Variants in TENM2 observed in about 807,000 individuals in gnomAD.
The protein encoded by TENM2 is teneurin transmembrane protein 2, also known as teneurin-2.
TENM2 carries 52 observed loss-of-function variants against 245.2 expected under a neutral mutation model. The ratio of observed to expected loss-of-function variants is 0.21; its 90% CI spans 0.17 to 0.27. The LOEUF is 0.27. Ranked by LOEUF, TENM2 falls within the 10% of genes least tolerant of loss-of-function variation. The pLI is 1.00. For missense variants in TENM2, 3,046 were observed against 3,666.8 expected (o/e 0.83, Z 4.37); for synonymous variants, 1,363 against 1,438.9 (o/e 0.95, Z 1.19).
intron 23 of TENM2, among the ~76,000 whole-genome samples, chr5:168,224,474 G>C (rs1466490135): frequency 1.3e-5 from 2 of 152,226 alleles, no homozygotes; most frequent in African/African-American, 4.8e-5. Flanking sequence ...TCAGATCCCT[G>C]AAAGCCTGAG....
intron 6 of TENM2, among the ~76,000 whole-genome samples, chr5:168,048,952 G>T (rs1323321381): frequency 6.6e-6 from 1 of 152,166 alleles, no homozygotes. Flanking sequence ...TGCCTTAACT[G>T]ACCATGTTCT....
chr5:167,104,215 G>A, the TENM2 span, among the ~76,000 whole-genome samples: 2 of 151,850 alleles, frequency 1.3e-5, no homozygotes, highest in African/African-American at 4.8e-5. Flanking sequence ...GACTTTTACA[G>A]TGCTTGCTAC....
the TENM2 span, among the ~76,000 whole-genome samples, chr5:167,142,226 T>A: frequency 2.0e-5 from 3 of 152,200 alleles, no homozygotes; most frequent in African/African-American, 4.8e-5. Flanking sequence ...CTAACCTTGC[T>A]AAAGTCTTTT....
chr5:167,689,236 T>C (rs1717925773), intron 2 of TENM2, among the ~76,000 whole-genome samples: 1 of 151,778 alleles, frequency 6.6e-6, no homozygotes, highest in Non-Finnish European at 1.5e-5. Flanking sequence ...GAAAGAGGAG[T>C]GGGCAGGAAG....
intron 2 of TENM2, among the ~76,000 whole-genome samples, chr5:167,594,630 T>C (rs781230194): frequency 2.6e-5 from 4 of 152,208 alleles, no homozygotes; most frequent in Non-Finnish European, 5.9e-5. Context: ...GAATCAGAAT[T>C]GAATGTTTGT....
At chr5:167,468,492 G>GCT (rs1490666456) in intron 2 of TENM2, among the ~76,000 whole-genome samples, 1 of 152,170 alleles carries the variant, frequency 6.6e-6, no homozygotes, top group Non-Finnish European at 1.5e-5. Flanking sequence ...GTAATGAAGT[G>GCT]CTCTGTAATA....
intron 2 of TENM2, among the ~76,000 whole-genome samples, chr5:167,431,950 T>TATATATATGTATATATATAC (rs1561950329): frequency 3.6e-5 from 2 of 55,604 alleles, no homozygotes; most frequent in African/African-American, 1.0e-4. Context: ...CATATATATG[T>TATATATATGTATATATATAC]ATATATATAT....
chr5:167,338,216 C>T (rs1757891422), intron 1 of TENM2, among the ~76,000 whole-genome samples: 3 of 152,160 alleles, frequency 2.0e-5, no homozygotes, highest in Admixed American at 2.0e-4. Context: ...TCTGCTTTTC[C>T]TACCCTCTAC....
At chr5:167,509,240 CT>C (rs1207672070) in intron 2 of TENM2, among the ~76,000 whole-genome samples, 1 of 152,216 alleles carries the variant, frequency 6.6e-6, no homozygotes, top group Non-Finnish European at 1.5e-5. Context: ...GCTCCATTGA[CT>C]GTAGACTAAT....
chr5:167,709,617 G>A lies in TENM2; in HGVS notation c.503-166369G>A, dbSNP rs553309775. On this transcript the variant is annotated intron_variant, in intron 2 of 28. Coordinates refer to ENST00000518659, the Ensembl canonical transcript of TENM2. ...AATGGAGAACTGACATTTAGGACAGGTTCTCTGTCTCTTTCTCAGGACAGC... is the reference window on the plus strand; with the variant it reads ...AATGGAGAACTGACATTTAGGACAGATTCTCTGTCTCTTTCTCAGGACAGC... Among the ~76,000 whole-genome samples, 10 of 152,312 alleles carry A rather than the reference G, an allele frequency of 6.6e-5. No homozygotes were observed. In the South Asian group the frequency reaches 2.1e-3, roughly 32 times the overall value.
intron 2 of TENM2, among the ~76,000 whole-genome samples, chr5:167,732,510 T>C (rs1760508946): frequency 6.6e-6 from 1 of 152,116 alleles, no homozygotes; most frequent in South Asian, 2.1e-4. Flanking sequence ...ATAAGTATGT[T>C]TTTTGTCTCA....
intron 12 of TENM2, among the ~76,000 whole-genome samples, chr5:168,141,927 G>A (rs573524356): frequency 2.0e-5 from 3 of 152,246 alleles, no homozygotes; most frequent in South Asian, 4.2e-4. Context: ...ATTTTGGAGC[G>A]ATTGGAGCGC....
the TENM2 span, among the ~76,000 whole-genome samples, chr5:167,238,226 T>C: frequency 2.0e-5 from 3 of 152,168 alleles, no homozygotes; most frequent in Non-Finnish European, 4.4e-5. Context: ...TTATGAGATC[T>C]TTCAATAAGT....
rs1178739925 is a variant in TENM2, at chr5:167,807,124, T to TAAAAAAAAAAAAAAAAAAAAAAAA, written c.503-68853_503-68830dup. On this transcript the variant is annotated intron_variant, in intron 2 of 28. Transcript: ENST00000518659. ...ACAGTTTGGCCCAAAGCCCCTAGGTTAAAAAAAAAAAAAAAAAAAAAAAAA... is the reference window on the plus strand; with the variant it reads ...ACAGTTTGGCCCAAAGCCCCTAGGTTAAAAAAAAAAAAAAAAAAAAAAAAAAAAAAAAAAAAAAAAAAAAAAAAA... Among the ~76,000 whole-genome samples the TAAAAAAAAAAAAAAAAAAAAAAAA allele has an allele frequency of 1.2e-4, 6 of 49,080 alleles. 1 individual carries two copies. Among genetic ancestry groups the TAAAAAAAAAAAAAAAAAAAAAAAA allele is most frequent in the African/African-American group, 5.1e-4 (6 of 11,846 alleles). The allele number at this position is 49,080 out of a possible 152,430, so 32.2% of individuals were successfully genotyped here.
intron 6 of TENM2, among the ~76,000 whole-genome samples, chr5:168,049,132 T>C (rs1788862660): frequency 6.6e-6 from 1 of 152,226 alleles, no homozygotes; most frequent in African/African-American, 2.4e-5. Context: ...TAAAGACTAT[T>C]TTGATTGTCA....
At chr5:167,512,032 C>T (rs992386635) in intron 2 of TENM2, among the ~76,000 whole-genome samples, 13 of 151,998 alleles carry the variant, frequency 8.6e-5, no homozygotes, top group Non-Finnish European at 1.8e-4. Context: ...TGTGATGTTC[C>T]GTTTTAAGGA....
chr5:167,334,476 C>T (rs539927355), intron 1 of TENM2, among the ~76,000 whole-genome samples: 62 of 152,336 alleles, frequency 4.1e-4, no homozygotes, highest in Non-Finnish European at 8.2e-4. Flanking sequence ...ACCTCTTTCT[C>T]TGAAAATTAG....
intron 2 of TENM2, among the ~76,000 whole-genome samples, chr5:167,612,927 G>A (rs1043069864): frequency 1.8e-4 from 27 of 152,110 alleles, no homozygotes; most frequent in Non-Finnish European, 2.9e-5. Context: ...AGACATATTT[G>A]CTTTAGGTAC....
chr5:167,332,321 T>G (rs964168673), intron 1 of TENM2, among the ~76,000 whole-genome samples: 2 of 152,212 alleles, frequency 1.3e-5, no homozygotes, highest in Non-Finnish European at 2.9e-5. Flanking sequence ...TTATGCCTTT[T>G]TATGTTTTTG....
Sources: allele counts gnomAD v4.1 joint callset (sites outside exome capture counted in the v4.1 genomes callset), GRCh38; gene constraint gnomAD v4.1.1; transcripts MANE v1.5; gene names NCBI Gene and HGNC (gene_info 2026-07-23, HGNC 2026-07-21).